NTRK3: variants seen among roughly 807,000 people sequenced by gnomAD.
NTRK3 encodes neurotrophic receptor tyrosine kinase 3, also known as NT-3 growth factor receptor.
Under a neutral mutation model 91.7 loss-of-function variants are expected in NTRK3, and 24 were observed. The ratio of observed to expected loss-of-function variants is 0.26; its 90% CI spans 0.19 to 0.37. The LOEUF (loss-of-function observed/expected upper bound fraction) is 0.37, where lower values mean the gene tolerates loss of function less well. Ranked by LOEUF, NTRK3 falls within the 10% of genes least tolerant of loss-of-function variation. The probability of loss-of-function intolerance (pLI) is 1.00; values close to 1 mark genes in which losing one functional copy is unlikely to be tolerated. For missense variants in NTRK3, 880 were observed against 1,068.9 expected, an observed-to-expected ratio of 0.82 and a Z score of 2.46; for synonymous variants, 483 against 404.0, an observed-to-expected ratio of 1.20 and a Z score of -2.34.
intron 5 of NTRK3, among the ~76,000 whole-genome samples, chr15:88,154,075 T>C (rs1261969503): frequency 7.1e-6 from 1 of 140,492 alleles, no homozygotes; most frequent in Non-Finnish European, 1.5e-5. Flanking sequence ...GAAAAGAGAA[T>C]TCCCTGATGC....
At chr15:87,877,684 C>T (rs2065015845) in intron 18 of NTRK3, among the ~76,000 whole-genome samples, 1 of 152,138 alleles carries the variant, frequency 6.6e-6, no homozygotes, top group Non-Finnish European at 1.5e-5. Flanking sequence ...CAAGACCCAT[C>T]CTTCCCTGCT....
intron 13 of NTRK3, among the ~76,000 whole-genome samples, chr15:88,053,396 G>A (rs147404547): frequency 1.1e-4 from 16 of 152,258 alleles, no homozygotes; most frequent in African/African-American, 3.6e-4. Flanking sequence ...GACTTAAGAG[G>A]GTTCCTGGGA....
rs60048541 is a variant in NTRK3, at chr15:88,191,163, C to CGTGTGT, written c.249-6870_249-6865dup. Among the ~76,000 whole-genome samples, 1,098 of 137,954 alleles carry CGTGTGT rather than the reference C, an allele frequency of 8.0e-3. 7 individuals are homozygous for CGTGTGT. Among genetic ancestry groups the CGTGTGT allele is most frequent in the Admixed American group, 0.013 (178 of 13,930 alleles). The allele number at this position is 137,954 out of a possible 152,430, so 90.5% of individuals were successfully genotyped here. On this transcript the variant is annotated intron_variant, in intron 3 of 18. Transcript: ENST00000394480. The stretch of plus-strand genomic sequence containing the variant: ...GGAGGCAGCTGAAGCTGATGTTTCC[C>CGTGTGT]GTGTGTGTGTGTGTGTGTGTGTGTG...
chr15:88,169,495 AG>A (rs1382807754), intron 5 of NTRK3, among the ~76,000 whole-genome samples: 1 of 152,150 alleles, frequency 6.6e-6, no homozygotes. Flanking sequence ...GCACACAGGG[AG>A]GGGATCTTGT....
chr15:88,161,225 A>G (rs969537260), intron 5 of NTRK3, among the ~76,000 whole-genome samples: 4 of 152,186 alleles, frequency 2.6e-5, no homozygotes, highest in Non-Finnish European at 5.9e-5. Context: ...TGCTACTATC[A>G]TCATTATCAT....
chr15:88,042,529 C>T (rs981724110), intron 13 of NTRK3, among the ~76,000 whole-genome samples: 2 of 152,348 alleles, frequency 1.3e-5, no homozygotes, highest in South Asian at 2.1e-4. Context: ...CCGCTCCTCT[C>T]CCTGAATCAT....
At chr15:87,875,545 C>T (rs1214873298) in exon 19 of NTRK3, 1 of 232,828 alleles carries the variant, frequency 4.3e-6, no homozygotes, top group African/African-American at 2.2e-5. Flanking sequence ...CCCAGAGAAG[C>T]CTCAGCCCTT....
intron 14 of NTRK3, among the ~76,000 whole-genome samples, chr15:87,960,971 G>A (rs1448260970): frequency 6.6e-6 from 1 of 152,088 alleles, no homozygotes; most frequent in Non-Finnish European, 1.5e-5. Flanking sequence ...GACTTTACCT[G>A]TTATAAAGTC....
chr15:88,099,342 A>C (rs1349095579), intron 13 of NTRK3: 1 of 201,604 alleles, frequency 5.0e-6, no homozygotes, highest in Non-Finnish European at 1.0e-5. Context: ...GAGAAGGAAC[A>C]TGGAAGAGAG....
intron 3 of NTRK3, among the ~76,000 whole-genome samples, chr15:88,204,605 G>A (rs2048582886): frequency 6.6e-6 from 1 of 152,112 alleles, no homozygotes; most frequent in South Asian, 2.1e-4. Context: ...TCTCCCCTCA[G>A]AAAGGCCCTT....
chr15:87,982,450 G>A (rs898039842), intron 14 of NTRK3, among the ~76,000 whole-genome samples: 3 of 151,874 alleles, frequency 2.0e-5, no homozygotes, highest in African/African-American at 7.3e-5. Flanking sequence ...CACAGACCCC[G>A]CTACATCTGA....
rs2141465338 is a variant in NTRK3, at chr15:87,880,251, C to T, written c.2292+19G>A. 3.7e-6 allele frequency: 6 copies of T among 1,614,004 alleles called. No individual in the cohort carries two copies. The highest frequency in any genetic ancestry group is 5.1e-6 in the Non-Finnish European group (6 of 1,180,000). On this transcript the variant is annotated intron_variant, in intron 18 of 18. Transcript: ENST00000394480. ...ATGAGCCCTCCCCCAATCAAGATTC[C>T]TACGCACCCCCTTTTTACCTCCGTG...
chr15:88,231,460 T>C (rs988251059), intron 3 of NTRK3, among the ~76,000 whole-genome samples: 8 of 147,678 alleles, frequency 5.4e-5, no homozygotes, highest in Non-Finnish European at 1.0e-4. Context: ...TGCCCAAGTA[T>C]ATGTAAATAC....
At chr15:88,146,743 G>A (rs1044443203) in intron 6 of NTRK3, among the ~76,000 whole-genome samples, 6 of 152,050 alleles carry the variant, frequency 3.9e-5, no homozygotes, top group African/African-American at 1.4e-4. Flanking sequence ...CAAACCCCTT[G>A]ACATGCCAGT....
At chr15:88,151,411 C>T (rs1247221624) in intron 5 of NTRK3, among the ~76,000 whole-genome samples, 1 of 152,148 alleles carries the variant, frequency 6.6e-6, no homozygotes, top group Non-Finnish European at 1.5e-5. Flanking sequence ...GAGATGTCAC[C>T]TCTGGCATTA....
At chr15:88,082,732 T>G (rs1038018219) in intron 13 of NTRK3, among the ~76,000 whole-genome samples, 5 of 152,186 alleles carry the variant, frequency 3.3e-5, no homozygotes, top group African/African-American at 1.2e-4. Flanking sequence ...CTAATAGGCT[T>G]GCAGAGTGTG....
At chr15:88,155,055 G>T (rs147792512) in intron 5 of NTRK3, among the ~76,000 whole-genome samples, 8 of 152,296 alleles carry the variant, frequency 5.3e-5, no homozygotes, top group African/African-American at 1.9e-4. Context: ...ATTATGTGTT[G>T]TCTACGGTCA....
exon 19 of NTRK3, chr15:87,866,437 A>G (rs2064680547): frequency 6.0e-6 from 1 of 166,982 alleles, no homozygotes; most frequent in African/African-American, 2.4e-5. Context: ...AAATATATAT[A>G]TATATATACA....
intron 5 of NTRK3, among the ~76,000 whole-genome samples, chr15:88,150,580 A>C (rs1410661712): frequency 1.3e-5 from 2 of 151,938 alleles, no homozygotes; most frequent in African/African-American, 4.8e-5. Flanking sequence ...GGGTGGATGG[A>C]ATGGCTGAAG....
Sources: gnomAD v4.1 joint callset for allele counts (sites outside exome capture counted in the v4.1 genomes callset) on GRCh38, gnomAD v4.1.1 for gene constraint, MANE v1.5 for transcripts, NCBI Gene and HGNC (gene_info 2026-07-23, HGNC 2026-07-21) for gene names.